CYP7B1: variants seen among roughly 807,000 people sequenced by gnomAD.
CYP7B1 encodes cytochrome P450 7B1.
In CYP7B1, 29 loss-of-function variants were observed where a neutral mutation model predicts 42.7. The ratio of observed to expected loss-of-function variants is 0.68; its 90% CI spans 0.51 to 0.93. CYP7B1 has a LOEUF of 0.93. Among genes scored for constraint, CYP7B1 ranks in the 40% least tolerant of loss-of-function variants. The probability of loss-of-function intolerance (pLI) is 0.00; values close to 1 mark genes in which losing one functional copy is unlikely to be tolerated. For missense variants in CYP7B1, 655 were observed against 600.5 expected, an observed-to-expected ratio of 1.09 and a Z score of -0.95; for synonymous variants, 235 against 218.2, an observed-to-expected ratio of 1.08 and a Z score of -0.68.
chr8:64,631,103 C>A (rs1805688806), intron 1 of CYP7B1, among the ~76,000 whole-genome samples: 1 of 152,118 alleles, frequency 6.6e-6, no homozygotes, highest in African/African-American at 2.4e-5. Context: ...TACCCTAATT[C>A]CAAAACCAGA....
At chr8:64,660,214 A>C (rs1242449579) in intron 1 of CYP7B1, among the ~76,000 whole-genome samples, 2 of 152,216 alleles carry the variant, frequency 1.3e-5, no homozygotes, top group East Asian at 1.9e-4. Context: ...TAACTAAAAC[A>C]TGGTGCAGGC....
chr8:64,604,142 C>T (rs745645821), intron 5 of CYP7B1, among the ~76,000 whole-genome samples: 3 of 152,106 alleles, frequency 2.0e-5, no homozygotes, highest in South Asian at 2.1e-4. Flanking sequence ...GAGCTTCACC[C>T]GTGAGCAGCA....
chr8:64,764,657 G>T (rs1396262023), intron 1 of CYP7B1, among the ~76,000 whole-genome samples: 1 of 152,014 alleles, frequency 6.6e-6, no homozygotes, highest in African/African-American at 2.4e-5. Flanking sequence ...CCCACAGATG[G>T]CCCAAATACA....
intron 1 of CYP7B1, among the ~76,000 whole-genome samples, chr8:64,748,362 T>C (rs75280167): frequency 0.013 from 1,996 of 152,172 alleles, 40 homozygotes; most frequent in African/African-American, 0.046. Context: ...TCCCCTACAA[T>C]CCCTCCCTGG....
rs779409818 is a variant in CYP7B1, at chr8:64,615,077, C to T, written c.1006G>A (p.Gly336Arg). Reference sequence around the variant, plus strand: ...TCTCTGGTGAGGTGGATGGGAAATCCAGACCCTTTCTTTTGACCTGTTGAC... The same window carrying T: ...TCTCTGGTGAGGTGGATGGGAAATCTAGACCCTTTCTTTTGACCTGTTGAC... ...LQSTGQKKGSGFPIHLTREQL... is the reference protein window; with the variant it reads ...LQSTGQKKGSRFPIHLTREQL... Residue 336 changes from glycine (G) to arginine (R), a missense_variant, in exon 4 of 6, where the codon GGA becomes AGA. By Grantham distance (125) the Gly-to-Arg change is moderately radical. Coordinates refer to ENST00000310193, the MANE Select transcript of CYP7B1 (RefSeq NM_004820.5). 1 of 1,613,618 alleles carries T rather than the reference C, an allele frequency of 6.2e-7. No individual in the cohort carries two copies. Among genetic ancestry groups the T allele is most frequent in the Non-Finnish European group, 8.5e-7 (1 of 1,179,720 alleles).
chr8:64,740,872 A>G (rs1329568894), intron 1 of CYP7B1, among the ~76,000 whole-genome samples: 1 of 152,116 alleles, frequency 6.6e-6, no homozygotes, highest in African/African-American at 2.4e-5. Flanking sequence ...TAATCTCCCA[A>G]AAAGAAAGCA....
At chr8:64,783,809 G>A (rs1804473772) in intron 1 of CYP7B1, among the ~76,000 whole-genome samples, 1 of 152,108 alleles carries the variant, frequency 6.6e-6, no homozygotes, top group South Asian at 2.1e-4. Context: ...ACTAGTATAA[G>A]TCACAAAGAG....
At chr8:64,714,034 G>A (rs775239677) in intron 1 of CYP7B1, among the ~76,000 whole-genome samples, 5 of 152,122 alleles carry the variant, frequency 3.3e-5, no homozygotes, top group Non-Finnish European at 7.3e-5. Flanking sequence ...ATAGATCAGG[G>A]CACTGACTCC....
intron 1 of CYP7B1, among the ~76,000 whole-genome samples, chr8:64,701,351 T>A (rs1563397242): frequency 1.3e-5 from 2 of 152,056 alleles, no homozygotes; most frequent in Non-Finnish European, 2.9e-5. Context: ...CTGCCAGGTA[T>A]AAGACCCACT....
intron 1 of CYP7B1, among the ~76,000 whole-genome samples, chr8:64,731,441 A>G (rs1256744284): frequency 6.6e-6 from 1 of 152,136 alleles, no homozygotes; most frequent in African/African-American, 2.4e-5. Flanking sequence ...GATCTATGGA[A>G]ATTTGAATTT....
rs537546483 is a variant in CYP7B1 at position 64,648,176 on chromosome 8, C to T, written c.123-23637G>A. On this transcript the variant is annotated intron_variant, in intron 1 of 5. Coordinates refer to ENST00000310193, the MANE Select transcript of CYP7B1 (RefSeq NM_004820.5). The stretch of plus-strand genomic sequence containing the variant: ...AAAAGTTAGTGGTACACTGTGGTGA[C>T]TGTAGTGATAGAGTTGATTATGAAT... Among the ~76,000 whole-genome samples the T allele has an allele frequency of 1.2e-4, 18 of 152,274 alleles. 1 individual carries two copies. Among genetic ancestry groups the T allele is most frequent in the South Asian group, 8.3e-4 (4 of 4,824 alleles).
intron 2 of CYP7B1, among the ~76,000 whole-genome samples, chr8:64,621,209 C>G (rs1482966720): frequency 2.6e-5 from 4 of 152,180 alleles, no homozygotes; most frequent in South Asian, 2.1e-4. Context: ...AGGGGCTTCC[C>G]CATCCAATAT....
At chr8:64,745,583 G>A (rs1244016555) in intron 1 of CYP7B1, among the ~76,000 whole-genome samples, 1 of 152,086 alleles carries the variant, frequency 6.6e-6, no homozygotes, top group Non-Finnish European at 1.5e-5. Flanking sequence ...ACAGACCTGT[G>A]TCTTCATTCC....
chr8:64,638,845 CTG>C (rs991655356), intron 1 of CYP7B1, among the ~76,000 whole-genome samples: 4 of 151,312 alleles, frequency 2.6e-5, no homozygotes, highest in African/African-American at 9.7e-5. Flanking sequence ...GTGTGTGTGC[CTG>C]TGTGTGTGCA....
chr8:64,737,896 C>T (rs966205957), intron 1 of CYP7B1, among the ~76,000 whole-genome samples: 1 of 152,144 alleles, frequency 6.6e-6, no homozygotes, highest in Non-Finnish European at 1.5e-5. Flanking sequence ...GTTTTATGTT[C>T]TACTTATTTG....
intron 1 of CYP7B1, among the ~76,000 whole-genome samples, chr8:64,690,274 A>G (rs1806719042): frequency 6.6e-6 from 1 of 152,220 alleles, no homozygotes; most frequent in East Asian, 1.9e-4. Flanking sequence ...ATGGTGATGC[A>G]TGCCTGTGGT....
intron 1 of CYP7B1, among the ~76,000 whole-genome samples, chr8:64,762,958 C>T (rs1331702975): frequency 2.0e-5 from 3 of 152,208 alleles, no homozygotes; most frequent in African/African-American, 7.2e-5. Flanking sequence ...TATTTATGGG[C>T]AACCCCCTTT....
chr8:64,632,268 G>C (rs943031755), intron 1 of CYP7B1, among the ~76,000 whole-genome samples: 10 of 152,102 alleles, frequency 6.6e-5, no homozygotes, highest in African/African-American at 2.4e-4. Flanking sequence ...GCAATATGAA[G>C]CAACACAGAT....
At chr8:64,631,258 G>A (rs934657769) in intron 1 of CYP7B1, among the ~76,000 whole-genome samples, 4 of 152,008 alleles carry the variant, frequency 2.6e-5, no homozygotes, top group South Asian at 4.2e-4. Context: ...TGGAATTTAC[G>A]CCAGGTATGC....
Sources: gnomAD v4.1 joint callset for allele counts (sites outside exome capture counted in the v4.1 genomes callset) on GRCh38, gnomAD v4.1.1 for gene constraint, MANE v1.5 for transcripts, NCBI Gene and HGNC (gene_info 2026-07-23, HGNC 2026-07-21) for gene names.